TIA1: variants seen among roughly 807,000 people sequenced by gnomAD.
TIA1 encodes cytotoxic granule associated RNA binding protein TIA1.
TIA1 carries 23 observed loss-of-function variants against 65.9 expected under a neutral mutation model. The ratio of observed to expected loss-of-function variants is 0.35; its 90% CI spans 0.25 to 0.49. TIA1 has a LOEUF of 0.49. TIA1 is among the 20% of genes least tolerant of loss of function. The probability of loss-of-function intolerance (pLI) is 0.98; values close to 1 mark genes in which losing one functional copy is unlikely to be tolerated. For missense variants in TIA1, 371 were observed against 477.9 expected (o/e 0.78, Z 2.09); for synonymous variants, 147 against 149.4 (o/e 0.98, Z 0.12).
chr2:70,209,759 T>C lies in TIA1; in HGVS notation c.*2960A>G, dbSNP rs1356516892. 1 of 398,330 alleles carries C rather than the reference T, an allele frequency of 2.5e-6. No individual in the cohort carries two copies. The highest frequency in any genetic ancestry group is 4.4e-6 in the Non-Finnish European group (1 of 225,928). 24.7% of individuals were successfully genotyped at this position (398,330 alleles called of 1,614,324 possible). A position where few individuals can be genotyped will look rare whatever the true frequency, so the allele number is the denominator to read the frequency against. On this transcript the variant is annotated 3_prime_UTR_variant, in exon 13 of 13. Transcript: ENST00000433529. The stretch of plus-strand genomic sequence containing the variant: ...TTTTAAAGAAATCATCACTCTCATT[T>C]GAAAGGTTTGCTTTCTTATTTCCTG...
intron 7 of TIA1, among the ~76,000 whole-genome samples, chr2:70,217,844 C>T (rs1679337428): frequency 6.6e-6 from 1 of 152,136 alleles, no homozygotes; most frequent in Non-Finnish European, 1.5e-5. Context: ...GAACATTAAT[C>T]ATCTGAAAAG....
At position 70,214,459 on chromosome 2, in the gene TIA1, C is replaced by T. The variant is rs79075815; in HGVS notation, c.924G>A (p.Gln308=). The T allele has an allele frequency of 6.7e-4, 1,075 of 1,613,666 alleles. 3 individuals are homozygous for T. In the African/African-American group the frequency reaches 0.012, roughly 19 times the overall value. ...NQIGYPQPYG[Q]WGQWYGNAQQ... is the part of the protein sequence containing the mutation. ...GTGCATTTCCATACCACTGGCCCCACTGGCCATAAGGTTGGGGATATCCAA... is the reference window on the plus strand; with the variant it reads ...GTGCATTTCCATACCACTGGCCCCATTGGCCATAAGGTTGGGGATATCCAA... Residue 308 remains glutamine (Q), a synonymous_variant, in exon 12 of 13, where the codon CAG becomes CAA. Transcript: ENST00000433529.
intron 12 of TIA1, 76 bp downstream of exon 12, chr2:70,214,273 C>T (rs1677607795): frequency 6.6e-7 from 1 of 1,510,760 alleles, no homozygotes. Flanking sequence ...CCCACTAATT[C>T]TTAAAATTTC....
chr2:70,216,167 A>C (rs936031389), intron 10 of TIA1, 41 bp downstream of exon 10: 19 of 1,405,776 alleles, frequency 1.4e-5, no homozygotes, highest in Non-Finnish European at 1.8e-5. Flanking sequence ...TTTTCCAGTT[A>C]CATTACCAAG....
rs1005688349 is a variant in TIA1 at position 70,210,265 on chromosome 2, T to A, written c.*2454A>T. On this transcript the variant is annotated 3_prime_UTR_variant, in exon 13 of 13. Coordinates refer to ENST00000433529, the MANE Select transcript of TIA1 (RefSeq NM_022173.4). ...TTCAGGGTAAAGAATACTGGATTAA[T>A]CACCCATTAAGTGTAAATCACTTCA... 1.3e-5 allele frequency: 2 copies of A among 152,246 alleles called. No homozygotes were observed. Among genetic ancestry groups the A allele is most frequent in the African/African-American group, 4.8e-5 (2 of 41,446 alleles). 9.4% of individuals were successfully genotyped at this position (152,246 alleles called of 1,614,324 possible).
chr2:70,218,173 T>G (rs907859301), intron 7 of TIA1, among the ~76,000 whole-genome samples: 1 of 152,068 alleles, frequency 6.6e-6, no homozygotes, highest in Non-Finnish European at 1.5e-5. Context: ...ACAGACAGGA[T>G]GAATAAGAAA....
At chr2:70,224,953 A>C in intron 6 of TIA1, 1 of 1,068,356 alleles carries the variant, frequency 9.4e-7, no homozygotes, top group Non-Finnish European at 1.1e-6. Flanking sequence ...TATAAAGTTC[A>C]CAGGACATTA....
At chr2:70,247,624 A>T (rs1449191028) in intron 1 of TIA1, among the ~76,000 whole-genome samples, 1 of 152,220 alleles carries the variant, frequency 6.6e-6, no homozygotes, top group Admixed American at 6.5e-5. Context: ...CCGGTAATTT[A>T]ACGCTATCTC....
intron 1 of TIA1, among the ~76,000 whole-genome samples, chr2:70,246,409 C>G (rs1241727703): frequency 6.6e-6 from 1 of 152,094 alleles, no homozygotes; most frequent in Non-Finnish European, 1.5e-5. Context: ...ATTAGGAAAA[C>G]TTAGGGATTA....
chr2:70,211,678 T>G lies in TIA1; in HGVS notation c.*1041A>C, dbSNP rs1042548777. Reference sequence around the variant, plus strand: ...CTTGAAAAACAAGAGCAGATGACTTTGTATTCAAAGACTACCAAAGTATGT... The same window carrying G: ...CTTGAAAAACAAGAGCAGATGACTTGGTATTCAAAGACTACCAAAGTATGT... On this transcript the variant is annotated 3_prime_UTR_variant, in exon 13 of 13. Transcript: ENST00000433529. 3 of 152,626 alleles carry G rather than the reference T, an allele frequency of 2.0e-5. No homozygotes were observed. The highest frequency in any genetic ancestry group is 2.0e-4 in the Admixed American group (3 of 15,268). The allele number at this position is 152,626 out of a possible 1,614,324, so 9.5% of individuals were successfully genotyped here.
At chr2:70,237,539 C>A (rs1689528186) in intron 1 of TIA1, among the ~76,000 whole-genome samples, 1 of 152,006 alleles carries the variant, frequency 6.6e-6, no homozygotes. Context: ...TAAAAACACT[C>A]AAATGAATCA....
chr2:70,245,852 C>G (rs1694047614), intron 1 of TIA1, among the ~76,000 whole-genome samples: 1 of 151,380 alleles, frequency 6.6e-6, no homozygotes, highest in Non-Finnish European at 1.5e-5. Context: ...GATAAAAATT[C>G]AGACTCTATT....
intron 12 of TIA1, among the ~76,000 whole-genome samples, chr2:70,213,367 A>T (rs1677138471): frequency 6.7e-6 from 1 of 149,040 alleles, no homozygotes. Context: ...TTTTTAAGAC[A>T]GGTTTTCATT....
rs376291344 is a variant in TIA1 at position 70,229,246 on chromosome 2, A to G, written c.277+18T>C. ...GTACAATAAAAACAAATGTTCAAAG[A>G]GCATAAAATATACTTACTGCTTGTA... is the stretch of plus-strand genomic sequence containing the variant. On this transcript the variant is annotated intron_variant, in intron 4 of 12. Transcript: ENST00000433529. The G allele has an allele frequency of 2.5e-5, 40 of 1,613,432 alleles. No individual in the cohort carries two copies. Among genetic ancestry groups the G allele is most frequent in the Non-Finnish European group, 3.4e-5 (40 of 1,179,662 alleles).
chr2:70,228,132 A>C (rs1684594846), intron 5 of TIA1, among the ~76,000 whole-genome samples: 1 of 152,152 alleles, frequency 6.6e-6, no homozygotes, highest in Non-Finnish European at 1.5e-5. Flanking sequence ...TCAGTTCTGC[A>C]AAAAAATTTA....
Position 70,219,902 on chromosome 2 carries a change from A to G in TIA1, c.475-2908T>C, listed in dbSNP as rs181383577. On this transcript the variant is annotated intron_variant, in intron 7 of 12. Transcript: ENST00000433529. ...GCAGGAAATGCACATTCTTAAAAAG[A>G]AACAAATATTATCACCCCAACCAGT... is the stretch of plus-strand genomic sequence containing the variant. Among the ~76,000 whole-genome samples the G allele has an allele frequency of 1.0e-3, 155 of 152,198 alleles. 1 individual carries two copies. The highest frequency in any genetic ancestry group is 2.1e-4 in the Non-Finnish European group (14 of 68,018).
chr2:70,226,658 G>C (rs563597698), intron 6 of TIA1, among the ~76,000 whole-genome samples: 1 of 152,194 alleles, frequency 6.6e-6, no homozygotes, highest in African/African-American at 2.4e-5. Flanking sequence ...AGAGGCCAAA[G>C]GCTAAGACTG....
chr2:70,245,674 A>T (rs1448255327), intron 1 of TIA1, among the ~76,000 whole-genome samples: 1 of 152,204 alleles, frequency 6.6e-6, no homozygotes, highest in African/African-American at 2.4e-5. Flanking sequence ...AATACTCCTC[A>T]AAATAATCTT....
At chr2:70,224,673 T>C in intron 6 of TIA1, 44 bp from the exon 7 acceptor site, 1 of 1,596,708 alleles carries the variant, frequency 6.3e-7, no homozygotes, top group Non-Finnish European at 8.5e-7. Context: ...CAAACTATCC[T>C]CTGGATATCA....
Sources: gnomAD v4.1 joint callset for allele counts (sites outside exome capture counted in the v4.1 genomes callset) on GRCh38, gnomAD v4.1.1 for gene constraint, MANE v1.5 for transcripts, NCBI Gene and HGNC (gene_info 2026-07-23, HGNC 2026-07-21) for gene names.